Variants in KLF8 observed in about 807,000 individuals in gnomAD.
KLF8 encodes Krueppel-like factor 8.
Under a neutral mutation model 18.2 loss-of-function variants are expected in KLF8, and 10 were observed. That is an observed-to-expected ratio of 0.55 (90% CI 0.34 to 0.93). KLF8 has a LOEUF of 0.93. Ranked by LOEUF, KLF8 falls within the 40% of genes least tolerant of loss-of-function variation. The pLI is 0.02. For synonymous variants in KLF8, 109 were observed against 97.3 expected (o/e 1.12, Z -0.71); for missense variants, 264 against 277.9 (o/e 0.95, Z 0.36).
the KLF8 span, among the ~76,000 whole-genome samples, chrX:55,934,940 C>A: frequency 9.0e-6 from 1 of 111,241 alleles, no homozygotes; most frequent in African/African-American, 3.3e-5. Flanking sequence ...AAATCCAACT[C>A]TTCTAGTGGC....
At chrX:56,012,365 C>T in the KLF8 span, among the ~76,000 whole-genome samples, 109 of 111,683 alleles carry the variant, frequency 9.8e-4, no homozygotes, top group African/African-American at 2.8e-3. Context: ...ACTCAACAGA[C>T]GCAGAAAGGG....
chrX:55,978,796 G>A, the KLF8 span, among the ~76,000 whole-genome samples: 1 of 111,652 alleles, frequency 9.0e-6, no homozygotes, highest in African/African-American at 3.3e-5. Flanking sequence ...TAATAGTAAG[G>A]ACAGGCAGCA....
chrX:55,990,824 G>T, the KLF8 span, among the ~76,000 whole-genome samples: 1 of 111,899 alleles, frequency 8.9e-6, no homozygotes, highest in African/African-American at 3.2e-5. Flanking sequence ...GGATACTGGT[G>T]AGCAGCAAAT....
intron 2 of KLF8, among the ~76,000 whole-genome samples, chrX:56,251,371 A>T (rs1443558583): frequency 4.4e-5 from 5 of 112,463 alleles, no homozygotes; most frequent in African/African-American, 1.6e-4. Flanking sequence ...TTCTTTATTT[A>T]ATTCATCAGA....
At chrX:55,928,772 G>T in the KLF8 span, among the ~76,000 whole-genome samples, 1 of 111,978 alleles carries the variant, frequency 8.9e-6, no homozygotes, top group African/African-American at 3.2e-5. Flanking sequence ...GCCTATCATT[G>T]ATGGGCATTT....
At chrX:56,189,685 C>T in the KLF8 span, among the ~76,000 whole-genome samples, 1 of 109,803 alleles carries the variant, frequency 9.1e-6, no homozygotes, top group Non-Finnish European at 1.9e-5. Context: ...GAATACTATG[C>T]AGCCATAAAA....
the KLF8 span, among the ~76,000 whole-genome samples, chrX:55,987,362 C>T: frequency 9.1e-6 from 1 of 110,234 alleles, no homozygotes; most frequent in Non-Finnish European, 1.9e-5. Flanking sequence ...CCCCCAACCC[C>T]ACAACAGGCC....
At chrX:56,045,286 T>A in the KLF8 span, among the ~76,000 whole-genome samples, 1 of 112,308 alleles carries the variant, frequency 8.9e-6, no homozygotes, top group East Asian at 2.8e-4. Context: ...ACCATGCTGT[T>A]TTGGTGACTA....
At chrX:56,161,349 A>G in the KLF8 span, among the ~76,000 whole-genome samples, 2 of 111,799 alleles carry the variant, frequency 1.8e-5, no homozygotes, top group Non-Finnish European at 3.8e-5. Context: ...CCTGGATAAT[A>G]TCCTGCAGAG....
the KLF8 span, among the ~76,000 whole-genome samples, chrX:56,046,808 A>G: frequency 9.0e-6 from 1 of 110,937 alleles, no homozygotes; most frequent in Non-Finnish European, 1.9e-5. Flanking sequence ...AGCTGTAAAG[A>G]TTTTTTCCTT....
chrX:56,120,617 A>T, the KLF8 span, among the ~76,000 whole-genome samples: 2 of 111,486 alleles, frequency 1.8e-5, no homozygotes, highest in Non-Finnish European at 3.8e-5. Context: ...GATGAGTGTT[A>T]TTGCTAGCTC....
the KLF8 span, among the ~76,000 whole-genome samples, chrX:56,066,201 G>T: frequency 8.9e-6 from 1 of 112,243 alleles, no homozygotes; most frequent in Non-Finnish European, 1.9e-5. Context: ...CTTGCAGTTT[G>T]TGTGGGTGGG....
the KLF8 span, among the ~76,000 whole-genome samples, chrX:56,159,383 A>G: frequency 8.9e-6 from 1 of 112,564 alleles, no homozygotes; most frequent in Non-Finnish European, 1.9e-5. Context: ...CTTTTGTATC[A>G]GGATGATGCT....
the KLF8 span, among the ~76,000 whole-genome samples, chrX:55,985,391 C>T: frequency 9.0e-6 from 1 of 111,688 alleles, no homozygotes; most frequent in African/African-American, 3.3e-5. Context: ...TGTCTTTAAC[C>T]CATTGCTTGT....
chrX:55,980,779 C>T, the KLF8 span, among the ~76,000 whole-genome samples: 1 of 112,185 alleles, frequency 8.9e-6, no homozygotes, highest in Non-Finnish European at 1.9e-5. Flanking sequence ...AGAGTATGCA[C>T]TTTGTGCACA....
chrX:56,175,182 T>TGATG, the KLF8 span, among the ~76,000 whole-genome samples: 1 of 111,833 alleles, frequency 8.9e-6, no homozygotes, highest in Non-Finnish European at 1.9e-5. Context: ...CTTTTAACTG[T>TGATG]GATGTTAGGG....
At chrX:56,240,633 A>G (rs1041681251) in intron 1 of KLF8, among the ~76,000 whole-genome samples, 5 of 111,546 alleles carry the variant, frequency 4.5e-5, no homozygotes, top group African/African-American at 1.3e-4. Context: ...CATATATTCA[A>G]TATTAGAGTT....
chrX:56,166,115 A>G, the KLF8 span, among the ~76,000 whole-genome samples: 2 of 97,287 alleles, frequency 2.1e-5, no homozygotes, highest in Non-Finnish European at 4.1e-5. Context: ...CCTATACCCC[A>G]AACAATCATA....
the KLF8 span, among the ~76,000 whole-genome samples, chrX:56,093,193 T>C: frequency 1.8e-5 from 2 of 111,024 alleles, no homozygotes; most frequent in African/African-American, 6.5e-5. Context: ...GAAATCCAGG[T>C]AGCTCTTAGA....
Sources: gnomAD v4.1 joint callset for allele counts (sites outside exome capture counted in the v4.1 genomes callset) on GRCh38, gnomAD v4.1.1 for gene constraint, MANE v1.5 for transcripts, NCBI Gene and HGNC (gene_info 2026-07-23, HGNC 2026-07-21) for gene names.